The following SPOCK1 variants were observed in gnomAD, a reference collection of about 807,000 sequenced individuals.
SPOCK1 encodes SPARC (osteonectin), cwcv and kazal like domains proteoglycan 1, also known as testican-1.
A neutral mutation model predicts 55.3 loss-of-function variants in SPOCK1; 23 were observed. The observed-to-expected ratio is 0.42, with a 90% CI of 0.30 to 0.59. The LOEUF (loss-of-function observed/expected upper bound fraction) is 0.59, where lower values mean the gene tolerates loss of function less well. Among genes scored for constraint, SPOCK1 ranks in the 20% least tolerant of loss-of-function variants. The pLI, the probability that SPOCK1 is intolerant of heterozygous loss-of-function variation, is 0.22. For missense variants in SPOCK1, 499 were observed against 552.5 expected (o/e 0.90, Z 0.97); for synonymous variants, 226 against 221.0 (o/e 1.02, Z -0.20).
intron 2 of SPOCK1, among the ~76,000 whole-genome samples, chr5:137,324,201 T>C (rs1200196059): frequency 2.0e-5 from 3 of 152,042 alleles, no homozygotes; most frequent in Non-Finnish European, 4.4e-5. Context: ...TTCCAGCAAT[T>C]TGGGAGGCAG....
At chr5:137,203,323 A>G (rs1755460061) in intron 3 of SPOCK1, among the ~76,000 whole-genome samples, 1 of 151,724 alleles carries the variant, frequency 6.6e-6, no homozygotes, top group Admixed American at 6.6e-5. Context: ...AAAAAGTGGC[A>G]CCTGATATGA....
chr5:137,010,938 G>A (rs185429238), intron 6 of SPOCK1, among the ~76,000 whole-genome samples: 2 of 152,276 alleles, frequency 1.3e-5, no homozygotes, highest in Admixed American at 6.5e-5. Context: ...AGGGATGCTA[G>A]AACGATTGTA....
intron 3 of SPOCK1, among the ~76,000 whole-genome samples, chr5:137,224,551 C>A (rs558353526): frequency 2.6e-5 from 4 of 152,262 alleles, no homozygotes; most frequent in African/African-American, 9.6e-5. Flanking sequence ...CTACATGCAG[C>A]TTTCAGAACC....
At chr5:137,328,384 C>G (rs1335811804) in intron 2 of SPOCK1, among the ~76,000 whole-genome samples, 1 of 152,072 alleles carries the variant, frequency 6.6e-6, no homozygotes, top group Non-Finnish European at 1.5e-5. Flanking sequence ...ATTTAAATGA[C>G]AAAAGAAAAA....
At chr5:137,195,141 C>G (rs1755273344) in intron 3 of SPOCK1, among the ~76,000 whole-genome samples, 1 of 152,206 alleles carries the variant, frequency 6.6e-6, no homozygotes, top group Admixed American at 6.5e-5. Context: ...TAAAATGACC[C>G]TCTTAAACCA....
intron 2 of SPOCK1, among the ~76,000 whole-genome samples, chr5:137,300,062 G>A (rs2127135982): frequency 6.6e-6 from 1 of 152,180 alleles, no homozygotes; most frequent in South Asian, 2.1e-4. Flanking sequence ...TTGTCCTGGA[G>A]GACCCTGATA....
intron 3 of SPOCK1, among the ~76,000 whole-genome samples, chr5:137,184,819 C>T (rs543864114): frequency 3.3e-5 from 5 of 152,204 alleles, no homozygotes; most frequent in South Asian, 2.1e-4. Context: ...CTGACCCTTG[C>T]TCTCAATGCC....
intron 3 of SPOCK1, among the ~76,000 whole-genome samples, chr5:137,178,190 A>G (rs1382663012): frequency 6.6e-6 from 1 of 152,136 alleles, no homozygotes; most frequent in African/African-American, 2.4e-5. Context: ...TGGCCAATAC[A>G]TTTGTTTGGT....
chr5:137,229,347 A>G (rs1180326904), intron 3 of SPOCK1, among the ~76,000 whole-genome samples: 1 of 152,202 alleles, frequency 6.6e-6, no homozygotes, highest in Non-Finnish European at 1.5e-5. Flanking sequence ...CCTAGCTCAT[A>G]AAAACAAACA....
At chr5:137,121,808 T>C (rs908206208) in intron 4 of SPOCK1, among the ~76,000 whole-genome samples, 1 of 146,770 alleles carries the variant, frequency 6.8e-6, no homozygotes, top group African/African-American at 2.5e-5. Context: ...TTATCCCTAT[T>C]AGTAGTATCC....
chr5:137,307,734 C>T (rs550318147), intron 2 of SPOCK1, among the ~76,000 whole-genome samples: 1 of 152,196 alleles, frequency 6.6e-6, no homozygotes, highest in Non-Finnish European at 1.5e-5. Flanking sequence ...GACTGCCCTG[C>T]AGTTGTCAGA....
At chr5:137,089,188 G>A (rs186437000) in intron 5 of SPOCK1, among the ~76,000 whole-genome samples, 2 of 152,300 alleles carry the variant, frequency 1.3e-5, no homozygotes, top group East Asian at 3.9e-4. Context: ...CCCCCTCTTT[G>A]TCCCTGCTCA....
In SPOCK1 at chr5:137,267,015, TC is replaced by T. The variant is rs760984870; in HGVS notation, c.226del (p.Asp76ThrfsTer12). ...AGAAATATTGCATCCATTACCTTGG[TC>T]AAAGGGCTTGTTGGGATTCCAGTTT... ...FRNWNPNKPF[D>X]QALDPSKDPC... On this transcript the variant is annotated frameshift_variant, in exon 3 of 11. Coordinates refer to ENST00000394945, the MANE Select transcript of SPOCK1 (RefSeq NM_004598.4). LOFTEE classifies it high-confidence loss of function. The T allele has an allele frequency of 6.2e-7, 1 of 1,612,820 alleles. No homozygotes were observed. Among genetic ancestry groups the T allele is most frequent in the Admixed American group, 1.7e-5 (1 of 59,990 alleles).
chr5:136,998,467 G>A (rs191700631), intron 6 of SPOCK1, among the ~76,000 whole-genome samples: 176 of 152,356 alleles, frequency 1.2e-3, no homozygotes, highest in African/African-American at 4.0e-3. Context: ...GGAAGAGACA[G>A]GATTTGAATC....
intron 2 of SPOCK1, among the ~76,000 whole-genome samples, chr5:137,418,083 C>T (rs145004958): frequency 0.01 from 1,536 of 152,272 alleles, 16 homozygotes; most frequent in Non-Finnish European, 0.017. Context: ...TGATAGTTAG[C>T]TGAGAATGAC....
At chr5:137,315,004 G>T (rs942805700) in intron 2 of SPOCK1, among the ~76,000 whole-genome samples, 2 of 152,132 alleles carry the variant, frequency 1.3e-5, no homozygotes, top group African/African-American at 2.4e-5. Context: ...ATGCACCAAA[G>T]TCAGCTTCAG....
At chr5:137,296,951 A>C (rs1289475212) in intron 2 of SPOCK1, among the ~76,000 whole-genome samples, 1 of 152,218 alleles carries the variant, frequency 6.6e-6, no homozygotes, top group Non-Finnish European at 1.5e-5. Flanking sequence ...TGCTTAAAGA[A>C]TTTTAGCTGG....
At chr5:137,240,758 A>G (rs1442105353) in intron 3 of SPOCK1, among the ~76,000 whole-genome samples, 4 of 152,096 alleles carry the variant, frequency 2.6e-5, no homozygotes, top group African/African-American at 9.7e-5. Context: ...AAAAAAAAAG[A>G]GAGACTCTGA....
chr5:137,118,434 T>C (rs968059189), intron 4 of SPOCK1, among the ~76,000 whole-genome samples: 6 of 152,274 alleles, frequency 3.9e-5, no homozygotes, highest in African/African-American at 1.4e-4. Flanking sequence ...TTTCCCACTC[T>C]TGCTTTAGAC....
Sources: gnomAD v4.1 joint callset for allele counts (sites outside exome capture counted in the v4.1 genomes callset) on GRCh38, gnomAD v4.1.1 for gene constraint, MANE v1.5 for transcripts, NCBI Gene and HGNC (gene_info 2026-07-23, HGNC 2026-07-21) for gene names.